LTBP4: variants seen among roughly 807,000 people sequenced by gnomAD.
The protein encoded by LTBP4 is latent transforming growth factor beta binding protein 4.
In LTBP4, 93 loss-of-function variants were observed where a neutral mutation model predicts 180.2. That is an observed-to-expected ratio of 0.52 (90% CI 0.44 to 0.61). The LOEUF (loss-of-function observed/expected upper bound fraction) is 0.61. Ranked by LOEUF, LTBP4 falls within the 20% of genes least tolerant of loss-of-function variation. LTBP4 has a pLI of 0.00. For synonymous variants in LTBP4, 947 were observed against 934.5 expected (o/e 1.01, Z -0.24); for missense variants, 2,116 against 2,256.5 (o/e 0.94, Z 1.26).
rs1015914775 is a variant in LTBP4 at position 40,627,586 on chromosome 19, C to T, written c.4367-119C>T. 6 of 1,381,664 alleles carry T rather than the reference C, an allele frequency of 4.3e-6. No homozygotes were observed. In the East Asian group the frequency reaches 1.5e-4, roughly 35 times the overall value. The allele number at this position is 1,381,664 out of a possible 1,614,324, so 85.6% of individuals were successfully genotyped here. ...CTGGCCCCGCAGCACCCGCCACAGC[C>T]CTGGAGCGGGATGGACAGTTTACAG... On this transcript the variant is annotated intron_variant, in intron 28 of 29. Coordinates refer to ENST00000396819, the MANE Select transcript of LTBP4 (RefSeq NM_001042545.2).
chr19:40,593,857 G>A (rs1000947948), intron 1 of LTBP4, among the ~76,000 whole-genome samples: 9 of 152,050 alleles, frequency 5.9e-5, no homozygotes, highest in Admixed American at 5.9e-4. Context: ...GCAGTGGTGT[G>A]ATCTCAGCTC....
In LTBP4 at chr19:40,609,873, T is replaced by A; in HGVS notation, c.1684+2T>A. The A allele has an allele frequency of 1.2e-5, 18 of 1,548,456 alleles. No individual in the cohort carries two copies. Among genetic ancestry groups the A allele is most frequent in the Non-Finnish European group, 1.5e-5 (17 of 1,145,062 alleles). On this transcript the variant is annotated splice_donor_variant, in intron 11 of 29. Transcript: ENST00000396819. LOFTEE classifies it high-confidence loss of function. The surrounding 1 kb of genome is among the most constrained non-coding windows in gnomAD (Gnocchi z 4.9). Reference sequence around the variant, plus strand: ...GCCCACGGGCTGCGGAATGCCTGGGTGAGAAATTTGCCCCACCCGGCTCCA... The same window carrying A: ...GCCCACGGGCTGCGGAATGCCTGGGAGAGAAATTTGCCCCACCCGGCTCCA...
chr19:40,625,821 C>T, intron 26 of LTBP4, 36 bp from the exon 27 acceptor site: 1 of 1,501,690 alleles, frequency 6.7e-7, no homozygotes, highest in African/African-American at 1.4e-5. Flanking sequence ...ACCTGAGTGC[C>T]AGGCCCACTC....
At position 40,627,031 on chromosome 19, in the gene LTBP4, C is replaced by A. The variant is rs1160648085; in HGVS notation, c.4042C>A (p.Pro1348Thr). ...CCCCCCCGCATATAGCCCCCCGCGA[C>A]CAGGTGGCTTTGGACTCCCCTACGA... ...LRPPAYSPPR[P>T]GGFGLPYEYG... The change falls in exon 28 of 30, where the codon CCA (proline) becomes ACA (threonine). Residue 1348 changes from proline (P) to threonine (T), a missense_variant. By Grantham distance (38) the Pro-to-Thr change is conservative. Coordinates refer to ENST00000396819, the MANE Select transcript of LTBP4 (RefSeq NM_001042545.2). 2 of 1,605,690 alleles carry A rather than the reference C, an allele frequency of 1.2e-6. No homozygotes were observed. Among genetic ancestry groups the A allele is most frequent in the Non-Finnish European group, 1.7e-6 (2 of 1,174,256 alleles).
chr19:40,608,421 C>T lies in LTBP4; in HGVS notation c.1306+52C>T, dbSNP rs1026986863. ...GCCATCTTCAAGGGGCTGCCCCAGC[C>T]CCATAGTGAAAGGAGGCAAGAGAGG... On this transcript the variant is annotated intron_variant, in intron 8 of 29. Coordinates refer to ENST00000396819, the MANE Select transcript of LTBP4 (RefSeq NM_001042545.2). 6.9e-6 allele frequency: 11 copies of T among 1,601,782 alleles called. No individual in the cohort carries two copies. The East Asian group carries it at 2.5e-4, about 36-fold the overall frequency.
At chr19:40,600,152 G>T, upstream of LTBP4, 1 of 1,255,780 alleles carries the variant, frequency 8.0e-7, no homozygotes, top group South Asian at 3.8e-5. The surrounding 1 kb of genome is among the most constrained non-coding windows in gnomAD (Gnocchi z 4.4). Flanking sequence ...GGCCCCCACA[G>T]CGTGCCCCCG....
Position 40,613,602 on chromosome 19 carries a change from G to A in LTBP4, c.2557+73G>A. On this transcript the variant is annotated intron_variant, in intron 17 of 29. Coordinates refer to ENST00000396819, the MANE Select transcript of LTBP4 (RefSeq NM_001042545.2). This position sits in a 1 kb window ranked among gnomAD's most constrained non-coding sequence, Gnocchi z 5.0. ...AGGAAAAGGCGGGACGGGGAGAAGA[G>A]GGCGAAAAGGGGAAAACGAGTTTTT... is the stretch of plus-strand genomic sequence containing the variant. 2 of 1,538,272 alleles carry A rather than the reference G, an allele frequency of 1.3e-6. No homozygotes were observed. Among genetic ancestry groups the A allele is most frequent in the Admixed American group, 2.0e-5 (1 of 51,038 alleles).
chr19:40,625,713 G>A (rs2081628788), intron 26 of LTBP4, 144 bp from the exon 27 acceptor site: 2 of 691,088 alleles, frequency 2.9e-6, no homozygotes, highest in Non-Finnish European at 4.5e-6. Context: ...TGACCTCAGA[G>A]AACTTCCAGA....
In LTBP4 at chr19:40,608,551, G is replaced by C. The variant is rs1389160020; in HGVS notation, c.1374G>C (p.Glu458Asp). 1 of 1,605,236 alleles carries C rather than the reference G, an allele frequency of 6.2e-7. No individual in the cohort carries two copies. The highest frequency in any genetic ancestry group is 8.5e-7 in the Non-Finnish European group (1 of 1,176,366). Residue 458 changes from glutamate to aspartate, a missense_variant, in exon 9 of 30, where the codon GAG becomes GAC. Coordinates refer to ENST00000396819, the MANE Select transcript of LTBP4 (RefSeq NM_001042545.2). ...EPRPDPRPGP[E>D]LPLPSIPAWT... is the part of the protein sequence containing the mutation. ...GGCCCGATCCCCGGCCCGGCCCTGA[G>C]CTTCCCTTGCCCAGCATCCCTGCCT... is the stretch of plus-strand genomic sequence containing the variant.
At position 40,613,853 on chromosome 19, in the gene LTBP4, T is replaced by A. The variant is rs1599868911; in HGVS notation, c.2558-63T>A. On this transcript the variant is annotated intron_variant, in intron 17 of 29. Coordinates refer to ENST00000396819, the MANE Select transcript of LTBP4 (RefSeq NM_001042545.2). This position sits in a 1 kb window ranked among gnomAD's most constrained non-coding sequence, Gnocchi z 5.0. ...GGAGAGCCGAGGGGCGGTGGAGGGG[T>A]GTGGCCTAGAATGTTAGGCGGAGCG... 1 of 1,605,850 alleles carries A rather than the reference T, an allele frequency of 6.2e-7. No homozygotes were observed.
Position 40,608,605 on chromosome 19 carries a change from T to C in LTBP4, c.1426+2T>C. On this transcript the variant is annotated splice_donor_variant, in intron 9 of 29. Transcript: ENST00000396819. LOFTEE classifies it high-confidence loss of function. ...CTGGTCCTGAGATTCCTGAATCAGG[T>C]TTGCTAGAAAGAACTGAGGGCATTG... is the stretch of plus-strand genomic sequence containing the variant. 6.3e-7 allele frequency: 1 copy of C among 1,583,584 alleles called. No individual in the cohort carries two copies.
chr19:40,596,731 C>A (rs2081392398), upstream of LTBP4, among the ~76,000 whole-genome samples: 3 of 152,066 alleles, frequency 2.0e-5, no homozygotes. Flanking sequence ...TTGCAGAATC[C>A]TCAGTCTCTC....
chr19:40,623,480 A>G, intron 24 of LTBP4, 124 bp from the exon 25 acceptor site: 3 of 1,271,480 alleles, frequency 2.4e-6, no homozygotes, highest in Non-Finnish European at 2.2e-6. Context: ...TGGCCTCTCC[A>G]TCTTTCTTTC....
intron 6 of LTBP4, 102 bp from the exon 7 acceptor site, chr19:40,607,263 C>A: frequency 2.0e-6 from 1 of 510,534 alleles, no homozygotes; most frequent in Non-Finnish European, 3.2e-6. Flanking sequence ...ACCCACCAAC[C>A]CCCCACCCCC....
chr19:40,597,232 A>G (rs1451511044), upstream of LTBP4: 2 of 1,488,550 alleles, frequency 1.3e-6, no homozygotes, highest in Non-Finnish European at 8.9e-7. Flanking sequence ...GGCGCCCGAC[A>G]CGATGCCGAG....
chr19:40,610,821 G>A, intron 12 of LTBP4, 164 bp downstream of exon 12: 1 of 1,064,172 alleles, frequency 9.4e-7, no homozygotes, highest in Non-Finnish European at 1.3e-6. Flanking sequence ...GAGAGACCTG[G>A]GATGCAGAGG....
upstream of LTBP4, chr19:40,601,279 G>T: frequency 1.2e-6 from 1 of 856,688 alleles, no homozygotes; most frequent in Non-Finnish European, 1.4e-6. Context: ...TGAGGAGGGG[G>T]GGCCTGAGCG....
intron 19 of LTBP4, among the ~76,000 whole-genome samples, chr19:40,616,601 T>A (rs1337951250): frequency 6.6e-6 from 1 of 152,124 alleles, no homozygotes. Context: ...GGCATGATGG[T>A]GCATGCCTGT....
upstream of LTBP4, chr19:40,601,293 G>A (rs1231355321): frequency 7.5e-6 from 7 of 930,988 alleles, 1 homozygote; most frequent in East Asian, 1.2e-4. Flanking sequence ...CTGAGCGGGG[G>A]CGCGGGCGAC....
Sources: allele counts gnomAD v4.1 joint callset (sites outside exome capture counted in the v4.1 genomes callset), GRCh38; gene constraint gnomAD v4.1.1; non-coding constraint Gnocchi (gnomAD v3.1); transcripts MANE v1.5; gene names NCBI Gene and HGNC (gene_info 2026-07-23, HGNC 2026-07-21).